The following LOXL1 variants were observed in gnomAD, a reference collection of about 807,000 sequenced individuals.
The protein encoded by LOXL1 is lysyl oxidase like 1.
In LOXL1, 31 loss-of-function variants were observed where a neutral mutation model predicts 62.2. The ratio of observed to expected loss-of-function variants is 0.50; its 90% CI spans 0.37 to 0.67. LOXL1 has a LOEUF of 0.67. LOXL1 is among the 30% of genes least tolerant of loss of function. LOXL1 has a pLI of 0.00. For missense variants in LOXL1, 775 were observed against 843.4 expected (o/e 0.92, Z 1.00); for synonymous variants, 403 against 384.4 (o/e 1.05, Z -0.56).
chr15:73,941,072 G>C (rs1423497774), intron 1 of LOXL1, among the ~76,000 whole-genome samples: 1 of 152,138 alleles, frequency 6.6e-6, no homozygotes, highest in Non-Finnish European at 1.5e-5. Context: ...GATGGGGAAG[G>C]GGCCCATCCC....
Position 73,930,595 on chromosome 15 carries a change from CA to C in LOXL1, c.1102+2711del, listed in dbSNP as rs1239204323. ...ACTTCATTCCTCCTGGCCACACACC[CA>C]GGGGTCTGAGGCTGGGCGCTGGCAG... On this transcript the variant is annotated intron_variant, in intron 1 of 6. Transcript: ENST00000261921. This position sits in a 1 kb window ranked among gnomAD's most constrained non-coding sequence, Gnocchi z 4.7. 6.6e-6 allele frequency among the ~76,000 whole-genome samples: 1 copy of C among 152,172 alleles called. No homozygotes were observed. Among genetic ancestry groups the C allele is most frequent in the Non-Finnish European group, 1.5e-5 (1 of 68,022 alleles).
At chr15:73,929,128 TCTGCTGTCC>T (rs2068617416) in intron 1 of LOXL1, among the ~76,000 whole-genome samples, 1 of 152,236 alleles carries the variant, frequency 6.6e-6, no homozygotes, top group Admixed American at 6.5e-5. Context: ...TCAGCCATTC[TCTGCTGTCC>T]TAGAATCCCC....
At position 73,927,086 on chromosome 15, in the gene LOXL1, C is replaced by T; in HGVS notation, c.303C>T (p.Pro101=). 2 of 1,304,488 alleles carry T rather than the reference C, an allele frequency of 1.5e-6. No individual in the cohort carries two copies. Among genetic ancestry groups the T allele is most frequent in the South Asian group, 5.0e-5 (2 of 40,066 alleles). The allele number at this position is 1,304,488 out of a possible 1,614,324, so 80.8% of individuals were successfully genotyped here. A position where few individuals can be genotyped will look rare whatever the true frequency, so the allele number is the denominator to read the frequency against. The change falls in exon 1 of 7, where the codon CCC becomes CCT. Residue 101 remains proline, a synonymous_variant. Coordinates refer to ENST00000261921, the MANE Select transcript of LOXL1 (RefSeq NM_005576.4). ...SPRRRQAPSL[P]LPGRVGSDTV... ...GGCGTCGGCAGGCGCCGTCCCTGCC[C>T]CTGCCGGGGCGCGTGGGCTCGGACA... is the stretch of plus-strand genomic sequence containing the variant.
intron 1 of LOXL1, among the ~76,000 whole-genome samples, chr15:73,931,106 C>T (rs975755129): frequency 2.0e-5 from 3 of 152,006 alleles, no homozygotes; most frequent in Non-Finnish European, 4.4e-5. Flanking sequence ...GCCCCACAGC[C>T]CCAGAAGACC....
chr15:73,950,364 ATCT>A (rs2068775692), intron 6 of LOXL1, among the ~76,000 whole-genome samples: 1 of 151,864 alleles, frequency 6.6e-6, no homozygotes, highest in Non-Finnish European at 1.5e-5. Flanking sequence ...GGTGGTAGAG[ATCT>A]TAAGGCCCAG....
At chr15:73,947,637 C>T in intron 4 of LOXL1, 170 bp from the exon 5 acceptor site, 1 of 547,982 alleles carries the variant, frequency 1.8e-6, no homozygotes. Flanking sequence ...TTCCTCTGGT[C>T]CATCTAGCCA....
At position 73,926,587 on chromosome 15, in the gene LOXL1, G is replaced by T. The variant is rs1226129476; in HGVS notation, c.-197G>T. On this transcript the variant is annotated 5_prime_UTR_variant, in exon 1 of 7. Transcript: ENST00000261921. ...TCGTGCAGCCCTGGGCACCGCCCCT[G>T]CCCTGCCCTGACCCCTTGGCCTTGA... The T allele has an allele frequency of 1.8e-6, 1 of 553,178 alleles. No homozygotes were observed. The highest frequency in any genetic ancestry group is 2.8e-6 in the Non-Finnish European group (1 of 353,092). 34.3% of individuals were successfully genotyped at this position (553,178 alleles called of 1,614,324 possible).
intron 1 of LOXL1, among the ~76,000 whole-genome samples, chr15:73,929,522 C>G (rs576633911): frequency 6.6e-6 from 1 of 152,354 alleles, no homozygotes; most frequent in Non-Finnish European, 1.5e-5. Flanking sequence ...AACACTCACT[C>G]TATCACATCC....
At chr15:73,942,343 C>A (rs1458831054) in intron 1 of LOXL1, among the ~76,000 whole-genome samples, 1 of 151,950 alleles carries the variant, frequency 6.6e-6, no homozygotes, top group Non-Finnish European at 1.5e-5. Context: ...CAGGGACACA[C>A]TCCAGGCCAG....
At chr15:73,928,104 G>A in intron 1 of LOXL1, 1 of 413,696 alleles carries the variant, frequency 2.4e-6, no homozygotes, top group Admixed American at 4.5e-5. Flanking sequence ...TCAGTGCCAG[G>A]GGTTGGCCAG....
At chr15:73,937,997 A>G (rs1467146673) in intron 1 of LOXL1, among the ~76,000 whole-genome samples, 1 of 152,220 alleles carries the variant, frequency 6.6e-6, no homozygotes, top group Non-Finnish European at 1.5e-5. Flanking sequence ...GGTCTAAAAC[A>G]GGAGGCTGGC....
At chr15:73,942,229 TG>T (rs1049046823) in intron 1 of LOXL1, among the ~76,000 whole-genome samples, 1 of 152,080 alleles carries the variant, frequency 6.6e-6, no homozygotes, top group African/African-American at 2.4e-5. Flanking sequence ...AATCCTGCCC[TG>T]TCAGCAGCCT....
chr15:73,946,587 CA>C, intron 3 of LOXL1, 33 bp downstream of exon 3: 2 of 1,577,694 alleles, frequency 1.3e-6, no homozygotes, highest in Non-Finnish European at 1.7e-6. Context: ...CGTCCTCTTC[CA>C]CTTCTCCTCT....
chr15:73,950,003 G>A (rs1433580421), intron 6 of LOXL1, among the ~76,000 whole-genome samples: 1 of 152,158 alleles, frequency 6.6e-6, no homozygotes, highest in Non-Finnish European at 1.5e-5. Flanking sequence ...TGTTCACAGT[G>A]GCACACAGTG....
intron 1 of LOXL1, among the ~76,000 whole-genome samples, chr15:73,937,831 T>C (rs2068684674): frequency 6.6e-6 from 1 of 152,180 alleles, no homozygotes. Context: ...CGCCCCAGCC[T>C]ACCCCCACCA....
At position 73,951,863 on chromosome 15, in the gene LOXL1, C is replaced by A; in HGVS notation, c.*26C>A. 6.5e-7 allele frequency: 1 copy of A among 1,528,298 alleles called. No homozygotes were observed. Among genetic ancestry groups the A allele is most frequent in the Admixed American group, 1.9e-5 (1 of 52,052 alleles). 94.7% of individuals were successfully genotyped at this position (1,528,298 alleles called of 1,614,324 possible). A position where few individuals can be genotyped will look rare whatever the true frequency, so the allele number is the denominator to read the frequency against. ...TCTCCGGGAGGGACAGATGGCCAAT[C>A]TCTCCCCTTCCAAAGCAGGCCCTGC... On this transcript the variant is annotated 3_prime_UTR_variant, in exon 7 of 7. Coordinates refer to ENST00000261921, the MANE Select transcript of LOXL1 (RefSeq NM_005576.4).
chr15:73,937,125 C>A (rs1040825306), intron 1 of LOXL1, among the ~76,000 whole-genome samples: 1 of 152,190 alleles, frequency 6.6e-6, no homozygotes, highest in Non-Finnish European at 1.5e-5. Flanking sequence ...GGCAGATGGT[C>A]TTTGTCCTCC....
intron 1 of LOXL1, among the ~76,000 whole-genome samples, chr15:73,935,619 C>T (rs1294591629): frequency 6.6e-6 from 1 of 152,156 alleles, no homozygotes; most frequent in Non-Finnish European, 1.5e-5. Flanking sequence ...GTTGGGTTCA[C>T]GCTGGGAGGA....
Position 73,926,874 on chromosome 15 carries a change from G to A in LOXL1, c.91G>A (p.Gly31Arg). The A allele has an allele frequency of 6.4e-7, 1 of 1,555,954 alleles. No homozygotes were observed. Among genetic ancestry groups the A allele is most frequent in the East Asian group, 2.4e-5 (1 of 41,974 alleles). The stretch of plus-strand genomic sequence containing the variant: ...GGTGCACGGGCAGCAGGCGCAGCCC[G>A]GGCAGGGCTCGGACCCCGCCCGCTG... ...VLVHGQQAQP[G>R]QGSDPARWRQ... is the part of the protein sequence containing the mutation. The change falls in exon 1 of 7, where the codon GGG becomes AGG. Residue 31 changes from glycine (G) to arginine (R), a missense_variant. By Grantham distance (125) the Gly-to-Arg change is moderately radical. Transcript: ENST00000261921.
Sources: allele counts gnomAD v4.1 joint callset (sites outside exome capture counted in the v4.1 genomes callset), GRCh38; gene constraint gnomAD v4.1.1; non-coding constraint Gnocchi (gnomAD v3.1); transcripts MANE v1.5; gene names NCBI Gene and HGNC (gene_info 2026-07-23, HGNC 2026-07-21).